NRXN1: variants seen among roughly 807,000 people sequenced by gnomAD.
NRXN1 encodes neurexin-1.
A neutral mutation model predicts 150.9 loss-of-function variants in NRXN1; 39 were observed. The observed-to-expected ratio is 0.26, with a 90% CI of 0.20 to 0.34. The LOEUF is 0.34. NRXN1 is among the 10% of genes least tolerant of loss of function. The probability of loss-of-function intolerance (pLI) is 1.00; values close to 1 mark genes in which losing one functional copy is unlikely to be tolerated. For synonymous variants in NRXN1, 924 were observed against 757.0 expected (o/e 1.22, Z -3.62); for missense variants, 1,815 against 1,949.9 (o/e 0.93, Z 1.30).
intron 2 of NRXN1, chr2:51,026,619 C>T: frequency 1.6e-6 from 1 of 629,218 alleles, no homozygotes; most frequent in Non-Finnish European, 2.8e-6. Flanking sequence ...TCTTGCAATC[C>T]CTTACATGCA....
chr2:50,456,604 T>C (rs1217626359), intron 17 of NRXN1, among the ~76,000 whole-genome samples: 1 of 152,128 alleles, frequency 6.6e-6, no homozygotes, highest in African/African-American at 2.4e-5. Context: ...AGTAATATTT[T>C]TTTTCCTTAT....
chr2:50,535,271 C>T (rs1396488531), intron 10 of NRXN1, among the ~76,000 whole-genome samples: 2 of 152,188 alleles, frequency 1.3e-5, no homozygotes, highest in African/African-American at 4.8e-5. Flanking sequence ...AGGCTAATTC[C>T]AATACAATAC....
At chr2:50,369,969 T>C (rs116060919) in intron 17 of NRXN1, among the ~76,000 whole-genome samples, 3,789 of 152,110 alleles carry the variant, frequency 0.025, 133 homozygotes, top group African/African-American at 0.086. Flanking sequence ...ATAATGGCCA[T>C]GGCTAATCGC....
At chr2:50,596,639 A>C (rs1379154317) in intron 8 of NRXN1, among the ~76,000 whole-genome samples, 4 of 152,186 alleles carry the variant, frequency 2.6e-5, no homozygotes, top group Non-Finnish European at 5.9e-5. Flanking sequence ...GAAAGGGCTC[A>C]GCCAGGTCAA....
At chr2:50,159,040 G>A (rs1485159430) in intron 18 of NRXN1, among the ~76,000 whole-genome samples, 1 of 152,034 alleles carries the variant, frequency 6.6e-6, no homozygotes, top group Non-Finnish European at 1.5e-5. Context: ...TGATCAGAGA[G>A]ATAGAAAATG....
intron 5 of NRXN1, chr2:50,696,250 C>G (rs548873531): frequency 6.6e-6 from 1 of 151,524 alleles, no homozygotes; most frequent in South Asian, 2.1e-4. Flanking sequence ...CACACACACA[C>G]GTATATCACA....
intron 8 of NRXN1, among the ~76,000 whole-genome samples, chr2:50,598,836 C>T (rs1384291895): frequency 1.3e-5 from 2 of 151,574 alleles, no homozygotes; most frequent in Non-Finnish European, 2.9e-5. Flanking sequence ...TGGCTCACTG[C>T]AACCTCCGCC....
At chr2:49,928,382 C>T (rs1161799294) in intron 22 of NRXN1, among the ~76,000 whole-genome samples, 1 of 152,010 alleles carries the variant, frequency 6.6e-6, no homozygotes, top group Non-Finnish European at 1.5e-5. Flanking sequence ...ATTTCTGTCT[C>T]CACCCCACCT....
chr2:50,296,035 C>G (rs1353914848), intron 17 of NRXN1, among the ~76,000 whole-genome samples: 1 of 152,162 alleles, frequency 6.6e-6, no homozygotes, highest in Non-Finnish European at 1.5e-5. Flanking sequence ...AGCCATTACT[C>G]CAGATGTGCA....
At chr2:50,196,848 G>A (rs1270914651) in intron 18 of NRXN1, among the ~76,000 whole-genome samples, 6 of 152,146 alleles carry the variant, frequency 3.9e-5, no homozygotes, top group Admixed American at 6.6e-5. Flanking sequence ...ATTAGTGGGA[G>A]CTAAATGATG....
At chr2:50,797,955 G>A (rs1056166483) in intron 5 of NRXN1, among the ~76,000 whole-genome samples, 1 of 152,104 alleles carries the variant, frequency 6.6e-6, no homozygotes, top group African/African-American at 2.4e-5. Flanking sequence ...AGGCTTCTCT[G>A]CTCACATAAC....
chr2:50,192,100 T>C (rs998707582), intron 18 of NRXN1, among the ~76,000 whole-genome samples: 1 of 152,142 alleles, frequency 6.6e-6, no homozygotes, highest in East Asian at 1.9e-4. Context: ...TATATCCTAT[T>C]GAGTAGCTCA....
At chr2:50,862,087 A>G (rs1676220428) in intron 5 of NRXN1, among the ~76,000 whole-genome samples, 1 of 151,842 alleles carries the variant, frequency 6.6e-6, no homozygotes, top group Non-Finnish European at 1.5e-5. Context: ...CTGTATTCCC[A>G]GCTACATGGG....
chr2:50,229,857 A>T (rs1411013909), intron 18 of NRXN1, among the ~76,000 whole-genome samples: 1 of 152,098 alleles, frequency 6.6e-6, no homozygotes, highest in Admixed American at 6.6e-5. Context: ...ATTGTGGTAT[A>T]GTCAGTAGTC....
intron 8 of NRXN1, among the ~76,000 whole-genome samples, chr2:50,580,440 C>T (rs1000838520): frequency 2.0e-5 from 3 of 152,128 alleles, no homozygotes; most frequent in African/African-American, 7.2e-5. Flanking sequence ...TAACTAAGGT[C>T]TGAAAATGTC....
intron 18 of NRXN1, among the ~76,000 whole-genome samples, chr2:50,222,763 T>G (rs1306320419): frequency 2.0e-5 from 3 of 151,918 alleles, no homozygotes; most frequent in African/African-American, 7.2e-5. Flanking sequence ...CAGAATAGTA[T>G]GCACATGATA....
intron 2 of NRXN1, among the ~76,000 whole-genome samples, chr2:50,959,700 C>G (rs1692843205): frequency 6.6e-6 from 1 of 151,992 alleles, no homozygotes; most frequent in South Asian, 2.1e-4. Context: ...ATGCTAAAAT[C>G]CACTGAATTG....
At chr2:50,903,585 T>C (rs1683250058) in intron 5 of NRXN1, among the ~76,000 whole-genome samples, 1 of 152,138 alleles carries the variant, frequency 6.6e-6, no homozygotes, top group South Asian at 2.1e-4. Flanking sequence ...ACATACCTTA[T>C]GGGCCTTGTG....
chr2:50,078,474 A>C (rs969486967), intron 19 of NRXN1, among the ~76,000 whole-genome samples: 3 of 152,086 alleles, frequency 2.0e-5, no homozygotes, highest in African/African-American at 7.2e-5. Flanking sequence ...CAAAACCAAG[A>C]AAGTAACACT....
Sources: allele counts gnomAD v4.1 joint callset (sites outside exome capture counted in the v4.1 genomes callset), GRCh38; gene constraint gnomAD v4.1.1; transcripts MANE v1.5; gene names NCBI Gene and HGNC (gene_info 2026-07-23, HGNC 2026-07-21).